Variants in LYZL4 observed in about 807,000 individuals in gnomAD.
LYZL4 encodes lysozyme-like protein 4.
In LYZL4, 13 loss-of-function variants were observed where a neutral mutation model predicts 17.6. The ratio of observed to expected loss-of-function variants is 0.74; its 90% CI spans 0.48 to 1.18. LYZL4 has a LOEUF of 1.18. Ranked by LOEUF, LYZL4 falls within the 50% of genes most tolerant of loss-of-function variation. LYZL4 has a pLI of 0.00. For synonymous variants in LYZL4, 64 were observed against 67.7 expected (o/e 0.95, Z 0.27); for missense variants, 174 against 188.2 (o/e 0.92, Z 0.44).
the LYZL4 span, among the ~76,000 whole-genome samples, chr3:42,373,169 C>T: frequency 6.6e-6 from 1 of 152,100 alleles, no homozygotes; most frequent in Non-Finnish European, 1.5e-5. Context: ...TGAGATTGCA[C>T]CACTGCACTC....
intron 3 of LYZL4, 30 bp downstream of exon 3, chr3:42,406,816 C>T: frequency 6.2e-7 from 1 of 1,611,370 alleles, no homozygotes; most frequent in Admixed American, 1.7e-5. Flanking sequence ...GCCTCCAGTG[C>T]CCCCGCACGG....
chr3:42,369,460 G>A, the LYZL4 span, among the ~76,000 whole-genome samples: 2 of 152,338 alleles, frequency 1.3e-5, no homozygotes, highest in South Asian at 2.1e-4. Context: ...TAGCAACCAG[G>A]GCTCTGCTTA....
chr3:42,365,786 G>A, the LYZL4 span, among the ~76,000 whole-genome samples: 1 of 152,102 alleles, frequency 6.6e-6, no homozygotes, highest in Non-Finnish European at 1.5e-5. Context: ...AGTTACAACA[G>A]TAACAGTTAA....
chr3:42,388,307 C>A, the LYZL4 span, among the ~76,000 whole-genome samples: 1 of 152,208 alleles, frequency 6.6e-6, no homozygotes, highest in Non-Finnish European at 1.5e-5. Context: ...AGTAATCAAG[C>A]ACGCCTGGAT....
At position 42,408,904 on chromosome 3, in the gene LYZL4, T is replaced by A. The variant is rs200775503; in HGVS notation, c.-93+1513A>T. Among the ~76,000 whole-genome samples the A allele has an allele frequency of 9.8e-5, 15 of 152,298 alleles. No homozygotes were observed. The East Asian group carries it at 2.5e-3, about 25-fold the overall frequency. On this transcript the variant is annotated intron_variant, in intron 1 of 4. Coordinates refer to ENST00000287748, the MANE Select transcript of LYZL4 (RefSeq NM_144634.4). ...TCCAAATTATGTCAGACAAAAATGT[T>A]CCTATGGGACAAAATTGCCCCCTGT...
At chr3:42,363,195 C>G in the LYZL4 span, among the ~76,000 whole-genome samples, 1 of 151,996 alleles carries the variant, frequency 6.6e-6, no homozygotes, top group East Asian at 1.9e-4. Flanking sequence ...TAGACATAAC[C>G]ATTGTAATAC....
chr3:42,377,159 G>C, the LYZL4 span, among the ~76,000 whole-genome samples: 2 of 152,192 alleles, frequency 1.3e-5, no homozygotes, highest in Non-Finnish European at 2.9e-5. Flanking sequence ...TTGGTGACAA[G>C]TGAGTCTCCC....
the LYZL4 span, among the ~76,000 whole-genome samples, chr3:42,366,425 G>C: frequency 0.012 from 1,867 of 152,250 alleles, 20 homozygotes; most frequent in Middle Eastern, 0.071. Context: ...GCGGCACCAG[G>C]CAGAAGCTAT....
At chr3:42,369,841 G>C in the LYZL4 span, among the ~76,000 whole-genome samples, 1,037 of 152,324 alleles carry the variant, frequency 6.8e-3, 15 homozygotes, top group African/African-American at 0.024. Flanking sequence ...CAAGCATTTG[G>C]GGATGCAGGC....
chr3:42,407,388 T>C lies in LYZL4; in HGVS notation c.-92-45A>G. 3.5e-6 allele frequency: 4 copies of C among 1,149,926 alleles called. No homozygotes were observed. In the South Asian group the frequency reaches 6.3e-5, roughly 18 times the overall value. 71.2% of individuals were successfully genotyped at this position (1,149,926 alleles called of 1,614,324 possible). A position where few individuals can be genotyped will look rare whatever the true frequency, so the allele number is the denominator to read the frequency against. ...GCACAGTTCAGTGTCATCAGAAAAA[T>C]GGGAGTCTCACCTGGTAAGCCATGA... On this transcript the variant is annotated intron_variant, in intron 1 of 4. Transcript: ENST00000287748.
the LYZL4 span, among the ~76,000 whole-genome samples, chr3:42,375,048 C>A: frequency 6.6e-6 from 1 of 152,040 alleles, no homozygotes; most frequent in Admixed American, 6.5e-5. Context: ...TGGGCTCAAG[C>A]AATTCGCCCA....
downstream of LYZL4, among the ~76,000 whole-genome samples, chr3:42,395,676 T>C (rs899599934): frequency 1.3e-5 from 2 of 152,206 alleles, no homozygotes; most frequent in Non-Finnish European, 2.9e-5. Flanking sequence ...TAAATATATG[T>C]TGTTGGGGTA....
the LYZL4 span, among the ~76,000 whole-genome samples, chr3:42,371,998 C>A: frequency 1.3e-5 from 2 of 152,334 alleles, no homozygotes; most frequent in South Asian, 4.1e-4. Context: ...CAGGAGGATT[C>A]TTAAAATAAT....
chr3:42,390,760 C>T, the LYZL4 span, among the ~76,000 whole-genome samples: 518 of 152,302 alleles, frequency 3.4e-3, 4 homozygotes, highest in African/African-American at 0.012. Flanking sequence ...TGGAGATTGA[C>T]TACATGCCTA....
At chr3:42,389,467 C>T in the LYZL4 span, among the ~76,000 whole-genome samples, 5 of 152,218 alleles carry the variant, frequency 3.3e-5, no homozygotes. Context: ...CTGACTTGCT[C>T]CTGTAGCTCT....
chr3:42,375,228 C>G, the LYZL4 span, among the ~76,000 whole-genome samples: 2 of 152,186 alleles, frequency 1.3e-5, no homozygotes, highest in African/African-American at 2.4e-5. Context: ...GTGCTCTTAT[C>G]CTGCTGAATG....
chr3:42,407,197 C>G lies in LYZL4; in HGVS notation c.55G>C (p.Ala19Pro). 6.2e-7 allele frequency: 1 copy of G among 1,614,188 alleles called. No individual in the cohort carries two copies. The highest frequency in any genetic ancestry group is 1.3e-5 in the African/African-American group (1 of 75,036). ...ACTGTGCAACGCCCCAAGATGTAAG[C>G]ACCACTTGGAACCACCAGGTAGCCA... Reference protein sequence around the residue: ...LLGYLVVPSGAYILGRCTVAK... With the variant: ...LLGYLVVPSGPYILGRCTVAK... Residue 19 changes from alanine to proline, a missense_variant, in exon 2 of 5, where the codon GCT becomes CCT. Ala to Pro is a conservative substitution (Grantham distance 27). Transcript: ENST00000287748.
chr3:42,398,944 T>G (rs1698605425), intron 4 of LYZL4, among the ~76,000 whole-genome samples: 1 of 152,026 alleles, frequency 6.6e-6, no homozygotes, highest in Admixed American at 6.5e-5. Flanking sequence ...GCAAATAAAA[T>G]GAATAAAGGT....
intron 4 of LYZL4, among the ~76,000 whole-genome samples, chr3:42,402,623 G>A (rs73829352): frequency 0.018 from 2,716 of 152,270 alleles, 87 homozygotes; most frequent in African/African-American, 0.062. Context: ...ATTACCAAGC[G>A]TGGTTGAGAA....
Sources: gnomAD v4.1 joint callset for allele counts (sites outside exome capture counted in the v4.1 genomes callset) on GRCh38, gnomAD v4.1.1 for gene constraint, MANE v1.5 for transcripts, NCBI Gene and HGNC (gene_info 2026-07-23, HGNC 2026-07-21) for gene names.